TSHR: variants seen among roughly 807,000 people sequenced by gnomAD.
TSHR encodes thyroid stimulating hormone receptor.
TSHR carries 51 observed loss-of-function variants against 64.1 expected under a neutral mutation model. That is an observed-to-expected ratio of 0.80 (90% confidence interval 0.64 to 1.01). The LOEUF (loss-of-function observed/expected upper bound fraction) is 1.01. Ranked by LOEUF, TSHR falls within the 50% of genes least tolerant of loss-of-function variation. TSHR has a pLI of 0.00. For missense variants in TSHR, 877 were observed against 942.8 expected, an observed-to-expected ratio of 0.93 and a Z score of 0.91; for synonymous variants, 361 against 361.9, an observed-to-expected ratio of 1.00 and a Z score of 0.03.
chr14:81,000,995 G>A (rs1182156351), intron 1 of TSHR, among the ~76,000 whole-genome samples: 1 of 152,152 alleles, frequency 6.6e-6, no homozygotes, highest in African/African-American at 2.4e-5. Flanking sequence ...GGAAAAACAA[G>A]GACAGGCGAT....
At chr14:81,011,233 C>A (rs1340192481) in intron 1 of TSHR, among the ~76,000 whole-genome samples, 1 of 107,932 alleles carries the variant, frequency 9.3e-6, no homozygotes, top group Non-Finnish European at 2.3e-5. Flanking sequence ...CTTTTTTTTT[C>A]TGAAATTGAT....
intron 1 of TSHR, chr14:80,983,378 A>T (rs1300571981): frequency 7.2e-6 from 8 of 1,114,800 alleles, no homozygotes. Flanking sequence ...ACAAAACCAG[A>T]CATCTTGTTT....
At chr14:81,049,273 C>T (rs1326728100) in intron 1 of TSHR, among the ~76,000 whole-genome samples, 1 of 152,154 alleles carries the variant, frequency 6.6e-6, no homozygotes, top group Non-Finnish European at 1.5e-5. Flanking sequence ...GCATGGTAGG[C>T]ACTCAATATA....
intron 7 of TSHR, among the ~76,000 whole-genome samples, chr14:81,101,486 C>T (rs1323484490): frequency 6.6e-6 from 1 of 152,138 alleles, no homozygotes; most frequent in Non-Finnish European, 1.5e-5. Context: ...AACAACCAAA[C>T]TTTTGCATAA....
intron 7 of TSHR, among the ~76,000 whole-genome samples, chr14:81,101,643 G>A (rs1485728235): frequency 6.6e-6 from 1 of 152,134 alleles, no homozygotes; most frequent in African/African-American, 2.4e-5. Flanking sequence ...GAAGCTCAGG[G>A]CACAAGGTGG....
chr14:81,084,978 T>C (rs1888181274), intron 3 of TSHR, among the ~76,000 whole-genome samples: 3 of 152,220 alleles, frequency 2.0e-5, no homozygotes, highest in Non-Finnish European at 2.9e-5. Flanking sequence ...GATTGATTGA[T>C]TGAGACAGAG....
intron 1 of TSHR, chr14:81,050,815 G>A (rs1885392581): frequency 6.6e-6 from 1 of 152,118 alleles, no homozygotes; most frequent in African/African-American, 2.4e-5. Context: ...GTATTTCTTT[G>A]TGATGAGAAC....
In TSHR at chr14:81,102,980, C is replaced by A. The variant is rs1336047655; in HGVS notation, c.615-5395C>A. 3.0e-6 allele frequency: 3 copies of A among 985,192 alleles called. No homozygotes were observed. The East Asian group carries it at 3.4e-4, about 112-fold the overall frequency. 61.0% of individuals were successfully genotyped at this position (985,192 alleles called of 1,614,324 possible). ...GCTGGAAACTGCTCCTGTTATAAAACAATGCTCCATCATTCTACCCTAAGT... is the reference window on the plus strand; with the variant it reads ...GCTGGAAACTGCTCCTGTTATAAAAAAATGCTCCATCATTCTACCCTAAGT... On this transcript the variant is annotated intron_variant, in intron 7 of 9. Transcript: ENST00000298171.
chr14:81,004,988 G>A (rs1244420369), intron 1 of TSHR, among the ~76,000 whole-genome samples: 2 of 152,152 alleles, frequency 1.3e-5, no homozygotes, highest in African/African-American at 2.4e-5. Flanking sequence ...TAAGGGTGAG[G>A]GAACTGGGGC....
At chr14:80,982,707 G>C (rs1262040912) in intron 1 of TSHR, 6 of 888,808 alleles carry the variant, frequency 6.8e-6, no homozygotes, top group African/African-American at 5.2e-5. Context: ...AGGCATCTAA[G>C]GCAAGCCCTC....
intron 7 of TSHR, among the ~76,000 whole-genome samples, chr14:81,101,118 A>G (rs1889551270): frequency 6.6e-6 from 1 of 152,194 alleles, no homozygotes; most frequent in Non-Finnish European, 1.5e-5. Flanking sequence ...GGAAATTCCA[A>G]GAGTTTTAGG....
intron 2 of TSHR, among the ~76,000 whole-genome samples, chr14:81,066,977 A>G (rs1319343979): frequency 6.6e-6 from 1 of 152,170 alleles, no homozygotes; most frequent in African/African-American, 2.4e-5. Context: ...TATTCCTTAT[A>G]TGTTCTTGAC....
chr14:81,142,948 A>G lies in TSHR; in HGVS notation c.890A>G (p.Glu297Gly). 6.2e-7 allele frequency: 1 copy of G among 1,614,080 alleles called. No individual in the cohort carries two copies. Among genetic ancestry groups the G allele is most frequent in the South Asian group, 1.1e-5 (1 of 91,084 alleles). Residue 297 changes from glutamate to glycine, a missense_variant, in exon 10 of 10, where the codon GAG becomes GGG. Glu to Gly is a moderately conservative substitution (Grantham distance 98). Coordinates refer to ENST00000298171, the MANE Select transcript of TSHR (RefSeq NM_000369.5). ...KNQKKIRGIL[E>G]SLMCNESSMQ... The stretch of plus-strand genomic sequence containing the variant: ...TTTCTGTTGCCTTGCAGAATCCTTG[A>G]GTCCTTGATGTGTAATGAGAGCAGT...
At position 81,042,358 on chromosome 14, in the gene TSHR, A is replaced by G. The variant is rs184275150; in HGVS notation, c.171-19790A>G. Among the ~76,000 whole-genome samples the G allele has an allele frequency of 4.4e-3, 664 of 152,330 alleles. 8 individuals carry two copies. Among genetic ancestry groups the G allele is most frequent in the African/African-American group, 0.015 (641 of 41,578 alleles). ...GCACTCTCATGTTTATTGCAGCACT[A>G]TTCACAAAAGCCAAGATATGGAATC... On this transcript the variant is annotated intron_variant, in intron 1 of 9. Coordinates refer to ENST00000298171, the MANE Select transcript of TSHR (RefSeq NM_000369.5).
intron 1 of TSHR, among the ~76,000 whole-genome samples, chr14:80,997,265 G>C (rs566107582): frequency 6.6e-6 from 1 of 152,322 alleles, no homozygotes; most frequent in Non-Finnish European, 1.5e-5. Context: ...CCATATCACA[G>C]TTATATTGTA....
chr14:81,062,161 A>T lies in TSHR; in HGVS notation c.184A>T (p.Thr62Ser), dbSNP rs1886290947. 14 of 1,611,646 alleles carry T rather than the reference A, an allele frequency of 8.7e-6. No homozygotes were observed. The Middle Eastern group carries it at 2.0e-3, about 229-fold the overall frequency. ...TTATTTTCACAGGAAGCTTATTGAG[A>T]CTCACCTGAGAACTATTCCAAGTCA... ...PSTQTLKLIE[T>S]HLRTIPSHAF... is the part of the protein sequence containing the mutation. The change falls in exon 2 of 10, where the codon ACT becomes TCT. Residue 62 changes from threonine to serine, a missense_variant. Coordinates refer to ENST00000298171, the MANE Select transcript of TSHR (RefSeq NM_000369.5).
chr14:81,084,937 GCTT>G (rs1290339998), intron 3 of TSHR, among the ~76,000 whole-genome samples: 1 of 152,078 alleles, frequency 6.6e-6, no homozygotes, highest in Non-Finnish European at 1.5e-5. Context: ...AGTTGCATTT[GCTT>G]CTTATGTTAC....
chr14:81,088,171 G>C, intron 4 of TSHR, 143 bp downstream of exon 4: 1 of 691,914 alleles, frequency 1.4e-6, no homozygotes, highest in Non-Finnish European at 2.6e-6. Context: ...CAAGGTATCG[G>C]GTGAAATGAT....
Position 81,143,480 on chromosome 14 carries a change from C to T in TSHR, c.1422C>T (p.Asp474=). 6.2e-7 allele frequency: 1 copy of T among 1,614,114 alleles called. No individual in the cohort carries two copies. The highest frequency in any genetic ancestry group is 8.5e-7 in the Non-Finnish European group (1 of 1,180,032). ...GMYLLLIASV[D]LYTHSEYYNH... ...ACCTGCTCCTCATCGCCTCTGTAGA[C>T]CTCTACACTCACTCTGAGTACTACA... The change falls in exon 10 of 10, where the codon GAC becomes GAT. Residue 474 remains aspartate (D), a synonymous_variant. Transcript: ENST00000298171.
Sources: gnomAD v4.1 joint callset for allele counts (sites outside exome capture counted in the v4.1 genomes callset) on GRCh38, gnomAD v4.1.1 for gene constraint, MANE v1.5 for transcripts, NCBI Gene and HGNC (gene_info 2026-07-23, HGNC 2026-07-21) for gene names.